The following DPP6 variants were observed in gnomAD, a reference collection of about 807,000 sequenced individuals.
DPP6 encodes dipeptidyl peptidase like 6, also known as A-type potassium channel modulatory protein DPP6.
Under a neutral mutation model 122.6 loss-of-function variants are expected in DPP6, and 69 were observed. The observed-to-expected ratio is 0.56, with a 90% confidence interval of 0.46 to 0.69. DPP6 has a LOEUF of 0.69. Among genes scored for constraint, DPP6 ranks in the 30% least tolerant of loss-of-function variants. The pLI is 0.00. For synonymous variants in DPP6, 418 were observed against 433.1 expected (o/e 0.97, Z 0.43); for missense variants, 928 against 1,116.9 (o/e 0.83, Z 2.41).
At chr7:154,834,498 CAA>C (rs1554481534) in intron 16 of DPP6, among the ~76,000 whole-genome samples, 2 of 151,240 alleles carry the variant, frequency 1.3e-5, no homozygotes, top group African/African-American at 4.9e-5. Flanking sequence ...AAAACAAAAA[CAA>C]AAACAAAAAA....
chr7:154,406,292 A>T (rs1361644259), intron 1 of DPP6, among the ~76,000 whole-genome samples: 1 of 152,226 alleles, frequency 6.6e-6, no homozygotes, highest in Non-Finnish European at 1.5e-5. Context: ...TTTATTAAAC[A>T]CACTTCTCAA....
At chr7:154,583,572 A>G (rs1284018178) in intron 5 of DPP6, among the ~76,000 whole-genome samples, 3 of 152,164 alleles carry the variant, frequency 2.0e-5, no homozygotes, top group African/African-American at 2.4e-5. Flanking sequence ...GCTGCCACCC[A>G]AAACGCGATA....
intron 5 of DPP6, among the ~76,000 whole-genome samples, chr7:154,616,127 T>C (rs1834238507): frequency 6.6e-6 from 1 of 152,152 alleles, no homozygotes; most frequent in Non-Finnish European, 1.5e-5. Flanking sequence ...CAGATGTCTC[T>C]AATTTGGCGT....
At chr7:154,362,557 G>A (rs1811817981) in intron 1 of DPP6, among the ~76,000 whole-genome samples, 1 of 151,622 alleles carries the variant, frequency 6.6e-6, no homozygotes, top group African/African-American at 2.4e-5. Flanking sequence ...TGGGATTACA[G>A]GTGTGCTTTA....
chr7:154,834,608 A>G (rs2150530918), intron 16 of DPP6, among the ~76,000 whole-genome samples: 1 of 152,386 alleles, frequency 6.6e-6, no homozygotes, highest in East Asian at 1.9e-4. Context: ...TTCACATTTC[A>G]CATGTGAGAA....
chr7:154,278,427 T>C (rs1211556428), intron 1 of DPP6, among the ~76,000 whole-genome samples: 1 of 152,202 alleles, frequency 6.6e-6, no homozygotes, highest in Non-Finnish European at 1.5e-5. Flanking sequence ...GCAGGAACTA[T>C]GGAACTCCAG....
chr7:154,013,458 C>CTTTTT lies in DPP6; in HGVS notation c.51+125736_51+125740dup, dbSNP rs776460630. Among the ~76,000 whole-genome samples the CTTTTT allele has an allele frequency of 4.5e-3, 569 of 127,318 alleles. 5 individuals are homozygous for CTTTTT. The highest frequency in any genetic ancestry group is 0.036 in the South Asian group (144 of 4,000). 83.5% of individuals were successfully genotyped at this position (127,318 alleles called of 152,430 possible). ...CTCAGAGAAACCTCAGGTTTCTTTT[C>CTTTTT]TTTTTTTTTTTTTTTTAACAAATTC... On this transcript the variant is annotated intron_variant, in intron 1 of 25. Transcript: ENST00000404039.
intron 1 of DPP6, among the ~76,000 whole-genome samples, chr7:154,384,194 C>G (rs1335576738): frequency 6.6e-6 from 1 of 152,152 alleles, no homozygotes; most frequent in Non-Finnish European, 1.5e-5. Context: ...GTCTGTGAGA[C>G]AAGGACTCTG....
At chr7:153,797,933 C>G in the DPP6 span, among the ~76,000 whole-genome samples, 1 of 152,118 alleles carries the variant, frequency 6.6e-6, no homozygotes, top group Non-Finnish European at 1.5e-5. Context: ...GCTCCGCCTT[C>G]TGGGTTCACG....
rs189746650 is a variant in DPP6 at position 154,235,930 on chromosome 7, A to G, written c.243+182867A>G. On this transcript the variant is annotated intron_variant, in intron 1 of 25. Coordinates refer to ENST00000377770, the MANE Select transcript of DPP6 (RefSeq NM_130797.4). Reference sequence around the variant, plus strand: ...TGCGGTGGTGCAATCTTGGCTCACTACAGCCTCTGTCTCCCGGGTTTAAGA... The same window carrying G: ...TGCGGTGGTGCAATCTTGGCTCACTGCAGCCTCTGTCTCCCGGGTTTAAGA... 9.0e-3 allele frequency among the ~76,000 whole-genome samples: 1,372 copies of G among 152,134 alleles called. 25 individuals carry two copies. The highest frequency in any genetic ancestry group is 0.031 in the African/African-American group (1,290 of 41,476).
intron 7 of DPP6, among the ~76,000 whole-genome samples, chr7:154,686,688 G>T (rs1012888253): frequency 1.3e-5 from 2 of 152,178 alleles, no homozygotes; most frequent in Non-Finnish European, 1.5e-5. Flanking sequence ...CCAGGGGTGT[G>T]CAGAGCCCTT....
intron 1 of DPP6, among the ~76,000 whole-genome samples, chr7:154,134,259 A>G (rs914906274): frequency 1.4e-4 from 22 of 152,246 alleles, no homozygotes; most frequent in Non-Finnish European, 3.1e-4. Context: ...CAGCACAAAC[A>G]CCAGGGTGAG....
intron 5 of DPP6, among the ~76,000 whole-genome samples, chr7:154,581,483 C>T (rs1832067049): frequency 1.3e-5 from 2 of 151,894 alleles, no homozygotes; most frequent in African/African-American, 4.9e-5. Context: ...AGCTTCAGAA[C>T]AGGGAAAGGA....
chr7:154,825,865 C>T (rs1341384793), intron 16 of DPP6, among the ~76,000 whole-genome samples: 1 of 152,198 alleles, frequency 6.6e-6, no homozygotes, highest in African/African-American at 2.4e-5. Flanking sequence ...CAGGGTCACA[C>T]ATTTATTCTC....
chr7:154,241,191 G>GCA lies in DPP6; in HGVS notation c.243+188128_243+188129insCA, dbSNP rs201052311. Among the ~76,000 whole-genome samples the GCA allele has an allele frequency of 6.0e-3, 884 of 147,872 alleles. 3 individuals carry two copies. The highest frequency in any genetic ancestry group is 0.022 in the African/African-American group (830 of 38,232). On this transcript the variant is annotated intron_variant, in intron 1 of 25. Coordinates refer to ENST00000377770, the MANE Select transcript of DPP6 (RefSeq NM_130797.4). This position sits in a 1 kb window ranked among gnomAD's most constrained non-coding sequence, Gnocchi z 9.0. Reference sequence around the variant, plus strand: ...TAGGTAATTCAATATCAATATGTGTGTGTGTGTGTGTGTGTGTGTGTGTGT... The same window carrying GCA: ...TAGGTAATTCAATATCAATATGTGTGCATGTGTGTGTGTGTGTGTGTGTGTGT...
At chr7:154,822,699 G>A (rs1799877752) in intron 16 of DPP6, among the ~76,000 whole-genome samples, 1 of 151,968 alleles carries the variant, frequency 6.6e-6, no homozygotes. Context: ...CCACACCTCT[G>A]CTCACAGATG....
chr7:153,962,142 A>G (rs985189578), intron 1 of DPP6, among the ~76,000 whole-genome samples: 8 of 151,910 alleles, frequency 5.3e-5, no homozygotes, highest in African/African-American at 1.9e-4. Flanking sequence ...TCTCCAGAAG[A>G]CTTTATCTTA....
chr7:154,783,472 G>T (rs1797151799), intron 10 of DPP6, among the ~76,000 whole-genome samples: 1 of 152,124 alleles, frequency 6.6e-6, no homozygotes, highest in Non-Finnish European at 1.5e-5. Context: ...CGGGTCAGTG[G>T]CGTGTGGCAT....
In DPP6 at chr7:154,822,912, C is replaced by T. The variant is rs188943845; in HGVS notation, c.1666+15800C>T. ...AGTATAGGAACTTTGTTTGACCCACCACTTTGATCCTGACATCTAGTGCAA... is the reference window on the plus strand; with the variant it reads ...AGTATAGGAACTTTGTTTGACCCACTACTTTGATCCTGACATCTAGTGCAA... On this transcript the variant is annotated intron_variant, in intron 16 of 25. Coordinates refer to ENST00000377770, the MANE Select transcript of DPP6 (RefSeq NM_130797.4). Among the ~76,000 whole-genome samples, 329 of 152,306 alleles carry T rather than the reference C, an allele frequency of 2.2e-3. 2 individuals are homozygous for T. Among genetic ancestry groups the T allele is most frequent in the Admixed American group, 7.8e-3 (119 of 15,296 alleles).
Sources: allele counts gnomAD v4.1 joint callset (sites outside exome capture counted in the v4.1 genomes callset), GRCh38; gene constraint gnomAD v4.1.1; non-coding constraint Gnocchi (gnomAD v3.1); transcripts MANE v1.5; gene names NCBI Gene and HGNC (gene_info 2026-07-23, HGNC 2026-07-21).